The following UNC79 variants were observed in gnomAD, a reference collection of about 807,000 sequenced individuals.
UNC79 encodes the protein protein unc-79 homolog.
UNC79 carries 37 observed loss-of-function variants against 283.1 expected under a neutral mutation model. That is an observed-to-expected ratio of 0.13 (90% CI 0.10 to 0.17). The LOEUF is 0.17. UNC79 is among the 10% of genes least tolerant of loss of function. The probability of loss-of-function intolerance (pLI) is 1.00; values close to 1 mark genes in which losing one functional copy is unlikely to be tolerated. For missense variants in UNC79, 2,272 were observed against 3,211.1 expected (o/e 0.71, Z 7.07); for synonymous variants, 1,107 against 1,200.2 (o/e 0.92, Z 1.61).
At chr14:93,579,139 A>C (rs1426928066) in intron 18 of UNC79, among the ~76,000 whole-genome samples, 2 of 152,176 alleles carry the variant, frequency 1.3e-5, no homozygotes, top group African/African-American at 4.8e-5. Flanking sequence ...CAGGAAGACC[A>C]CAGATGTGAT....
At chr14:93,397,276 T>A (rs1167357830) in intron 1 of UNC79, 2 of 152,172 alleles carry the variant, frequency 1.3e-5, no homozygotes, top group Non-Finnish European at 2.9e-5. Flanking sequence ...TTTTGACAAA[T>A]GCCCTGGGTA....
intron 1 of UNC79, among the ~76,000 whole-genome samples, chr14:93,443,157 G>A (rs938581453): frequency 4.0e-5 from 6 of 151,874 alleles, no homozygotes; most frequent in Non-Finnish European, 8.8e-5. Context: ...CTAGGAAGCC[G>A]AGGTTGCAGG....
Position 93,394,362 on chromosome 14 carries a change from T to TTTTATTTTATTTTAC in UNC79, c.-351+60853_-351+60854insCTTTATTTTATTTTA, listed in dbSNP as rs1387730275. Among the ~76,000 whole-genome samples the TTTTATTTTATTTTAC allele has an allele frequency of 2.7e-4, 35 of 130,066 alleles. 1 individual carries two copies. Among genetic ancestry groups the TTTTATTTTATTTTAC allele is most frequent in the African/African-American group, 1.1e-3 (33 of 30,348 alleles). The allele number at this position is 130,066 out of a possible 152,430, so 85.3% of individuals were successfully genotyped here. Reference sequence around the variant, plus strand: ...CTTCATGCAATTGTCTTTTATTTTATTTTATTTTATTTTATTTTATTTTAT... The same window carrying TTTTATTTTATTTTAC: ...CTTCATGCAATTGTCTTTTATTTTATTTTATTTTATTTTACTTTATTTTATTTTATTTTATTTTAT... On this transcript the variant is annotated intron_variant, in intron 1 of 49. Transcript: ENST00000256339.
intron 1 of UNC79, among the ~76,000 whole-genome samples, chr14:93,458,384 G>T (rs1315863562): frequency 3.9e-5 from 6 of 152,216 alleles, no homozygotes; most frequent in African/African-American, 1.4e-4. Flanking sequence ...GTCACACATA[G>T]CTGTAGGTGG....
chr14:93,485,251 T>C (rs28374112), intron 4 of UNC79, among the ~76,000 whole-genome samples: 6 of 151,094 alleles, frequency 4.0e-5, no homozygotes, highest in Non-Finnish European at 7.4e-5. Flanking sequence ...TGTGTGTGTG[T>C]GTGCGTGTGT....
At chr14:93,402,276 C>CA (rs1232880016) in intron 1 of UNC79, among the ~76,000 whole-genome samples, 8,528 of 62,486 alleles carry the variant, frequency 0.14, 606 homozygotes, top group African/African-American at 0.22. Context: ...GACTCTGTCT[C>CA]AAAAAAAAAA....
rs780349352 is a variant in UNC79 at position 93,348,104 on chromosome 14, A to G, written c.-351+14581A>G. 14 of 1,603,286 alleles carry G rather than the reference A, an allele frequency of 8.7e-6. No individual in the cohort carries two copies. In the South Asian group the frequency reaches 1.5e-4, roughly 18 times the overall value. On this transcript the variant is annotated intron_variant, in intron 1 of 49. Coordinates refer to the UNC79 transcript ENST00000256339. Reference sequence around the variant, plus strand: ...GCATATGTGCTAGGCAACCTGAAGCAGTTCAGAAGGAATTAGATGGAAGAT... The same window carrying G: ...GCATATGTGCTAGGCAACCTGAAGCGGTTCAGAAGGAATTAGATGGAAGAT...
At chr14:93,566,897 T>A (rs188386669) in intron 14 of UNC79, among the ~76,000 whole-genome samples, 2 of 152,076 alleles carry the variant, frequency 1.3e-5, no homozygotes, top group East Asian at 1.9e-4. Context: ...GATTACAGGC[T>A]TGAGCCACCA....
intron 17 of UNC79, 115 bp from the exon 18 acceptor site, chr14:93,577,727 A>G (rs539638689): frequency 3.6e-5 from 37 of 1,018,436 alleles, no homozygotes; most frequent in Middle Eastern, 2.1e-4. Context: ...CCATTGGTTA[A>G]GGAAAGAAAT....
At chr14:93,429,380 A>T (rs188884506), upstream of UNC79, among the ~76,000 whole-genome samples, 84 of 152,330 alleles carry the variant, frequency 5.5e-4, no homozygotes, top group African/African-American at 1.9e-3. Context: ...AGGATGTCAG[A>T]GTCCAATCAC....
At chr14:93,684,520 T>C (rs1332859289) in intron 42 of UNC79, among the ~76,000 whole-genome samples, 1 of 151,856 alleles carries the variant, frequency 6.6e-6, no homozygotes, top group Non-Finnish European at 1.5e-5. Flanking sequence ...TCAAATAATA[T>C]TTAATTAATT....
intron 1 of UNC79, among the ~76,000 whole-genome samples, chr14:93,444,135 G>T (rs1566939241): frequency 6.6e-6 from 1 of 152,146 alleles, no homozygotes; most frequent in Non-Finnish European, 1.5e-5. Context: ...TTTAACTTTA[G>T]TCTTTCTAGT....
intron 41 of UNC79, among the ~76,000 whole-genome samples, chr14:93,675,362 C>T (rs888460603): frequency 8.5e-5 from 13 of 152,122 alleles, no homozygotes; most frequent in Admixed American, 8.5e-4. Flanking sequence ...TGACATGGGC[C>T]AGGTGCTCTG....
At chr14:93,573,610 A>G (rs1416035357) in intron 16 of UNC79, among the ~76,000 whole-genome samples, 1 of 152,252 alleles carries the variant, frequency 6.6e-6, no homozygotes, top group Non-Finnish European at 1.5e-5. Context: ...GTGTCATGCA[A>G]GGATAGGATC....
intron 1 of UNC79, 44 bp from the exon 2 acceptor site, chr14:93,467,627 C>CTTTTTTTTTTTTTTTTTTTTT (rs2057260890): frequency 3.6e-6 from 3 of 828,968 alleles, no homozygotes; most frequent in Admixed American, 2.6e-4. Context: ...TTTTCTTCTT[C>CTTTTTTTTTTTTTTTTTTTTT]CTTTTTTTTT....
chr14:93,644,854 A>C (rs942900595), intron 34 of UNC79, among the ~76,000 whole-genome samples: 1 of 152,230 alleles, frequency 6.6e-6, no homozygotes, highest in African/African-American at 2.4e-5. Context: ...TAGTGTCCTT[A>C]GGAGTCATAT....
intron 18 of UNC79, among the ~76,000 whole-genome samples, chr14:93,578,537 T>G (rs1418267124): frequency 6.6e-6 from 1 of 152,168 alleles, no homozygotes; most frequent in African/African-American, 2.4e-5. Context: ...TATAAAGAAT[T>G]CCCAAATACT....
chr14:93,632,235 A>G (rs556339394), intron 31 of UNC79, among the ~76,000 whole-genome samples: 1 of 152,378 alleles, frequency 6.6e-6, no homozygotes, highest in Non-Finnish European at 1.5e-5. Context: ...TAGTTTCCAA[A>G]TGACAGTTAT....
chr14:93,639,560 G>A (rs2065587218), intron 32 of UNC79, among the ~76,000 whole-genome samples: 1 of 152,196 alleles, frequency 6.6e-6, no homozygotes, highest in African/African-American at 2.4e-5. Flanking sequence ...TATACTTAGG[G>A]AAGGATGTTA....
Sources: allele counts gnomAD v4.1 joint callset (sites outside exome capture counted in the v4.1 genomes callset), GRCh38; gene constraint gnomAD v4.1.1; transcripts MANE v1.5; gene names NCBI Gene and HGNC (gene_info 2026-07-23, HGNC 2026-07-21).